Variants in ZNF652 observed in about 807,000 individuals in gnomAD.
ZNF652 encodes the protein zinc finger protein 652.
ZNF652 carries 16 observed loss-of-function variants against 45.2 expected under a neutral mutation model. The ratio of observed to expected loss-of-function variants is 0.35; its 90% CI spans 0.24 to 0.54. ZNF652 has a LOEUF of 0.54. ZNF652 is among the 20% of genes least tolerant of loss of function. The pLI is 0.91. For synonymous variants in ZNF652, 250 were observed against 260.6 expected (o/e 0.96, Z 0.39); for missense variants, 614 against 765.6 (o/e 0.80, Z 2.34).
chr17:49,316,822 C>G lies in ZNF652; in HGVS notation c.900+4G>C. 1 of 1,604,832 alleles carries G rather than the reference C, an allele frequency of 6.2e-7. No individual in the cohort carries two copies. The highest frequency in any genetic ancestry group is 8.5e-7 in the Non-Finnish European group (1 of 1,175,980). On this transcript the variant is annotated splice_donor_region_variant and intron_variant, in intron 2 of 5. Coordinates refer to ENST00000430262, the MANE Select transcript of ZNF652 (RefSeq NM_001145365.3). Reference sequence around the variant, plus strand: ...AAGTTTTCCCTCTCGGTGATGAAACCTACCTGAATGTTTTTTTCACAGTCT... The same window carrying G: ...AAGTTTTCCCTCTCGGTGATGAAACGTACCTGAATGTTTTTTTCACAGTCT...
intron 5 of ZNF652, among the ~76,000 whole-genome samples, chr17:49,307,350 G>T (rs1220108411): frequency 6.9e-6 from 1 of 145,030 alleles, no homozygotes; most frequent in Non-Finnish European, 1.5e-5. Context: ...AGAATCACTT[G>T]AACCTGGGAG....
At chr17:49,347,733 T>G (rs2070219517) in intron 1 of ZNF652, among the ~76,000 whole-genome samples, 1 of 74,000 alleles carries the variant, frequency 1.4e-5, no homozygotes. Flanking sequence ...AATTGAACCT[T>G]GGTTTTGTTT....
chr17:49,322,145 A>G (rs1472660924), intron 1 of ZNF652, among the ~76,000 whole-genome samples: 3 of 152,246 alleles, frequency 2.0e-5, no homozygotes, highest in Admixed American at 6.5e-5. Flanking sequence ...GCTTTTCTAA[A>G]GAGACTAAAG....
At chr17:49,339,775 G>A (rs918359113) in intron 1 of ZNF652, among the ~76,000 whole-genome samples, 2 of 152,214 alleles carry the variant, frequency 1.3e-5, no homozygotes, top group African/African-American at 2.4e-5. Flanking sequence ...TGCCACTGAA[G>A]ACAGAGCCAT....
intron 2 of ZNF652, among the ~76,000 whole-genome samples, chr17:49,315,042 G>GGT (rs1325779135): frequency 7.5e-6 from 1 of 134,218 alleles, no homozygotes; most frequent in Non-Finnish European, 1.6e-5. Flanking sequence ...GTTTTAGTTT[G>GGT]TTTTTTTTTT....
At chr17:49,348,847 T>C (rs771746252) in intron 1 of ZNF652, among the ~76,000 whole-genome samples, 1 of 152,182 alleles carries the variant, frequency 6.6e-6, no homozygotes, top group Non-Finnish European at 1.5e-5. Context: ...CTCATCCTAG[T>C]GTGTTTTTTC....
At chr17:49,351,002 TATATATATATATACACACACACAC>T (rs2070270423) in intron 1 of ZNF652, among the ~76,000 whole-genome samples, 1 of 20,514 alleles carries the variant, frequency 4.9e-5, no homozygotes, top group Admixed American at 4.5e-4. Flanking sequence ...TATATATATA[TATATATATATATACACACACACAC>T]ACACACACAC....
intron 5 of ZNF652, among the ~76,000 whole-genome samples, chr17:49,300,709 T>C (rs2069541108): frequency 6.6e-6 from 1 of 152,194 alleles, no homozygotes; most frequent in Non-Finnish European, 1.5e-5. Context: ...ATAAGAGCGT[T>C]GCTGTCACTT....
chr17:49,298,552 T>TGGTGTGGGTGGTGAG lies in ZNF652; in HGVS notation c.1667_1681dup (p.Pro556_His560dup). 1.9e-6 allele frequency: 3 copies of TGGTGTGGGTGGTGAG among 1,596,264 alleles called. No individual in the cohort carries two copies. Among genetic ancestry groups the TGGTGTGGGTGGTGAG allele is most frequent in the Non-Finnish European group, 2.6e-6 (3 of 1,174,242 alleles). ...GTGAGGGACTGGAGGGATGGGAAGG[T>TGGTGTGGGTGGTGAG]GGTGTGGGTGGTGAGGGTGTGGGTG... On this transcript the variant is annotated inframe_insertion, in exon 6 of 6. Transcript: ENST00000430262.
chr17:49,317,242 CCTCTTCCTCACT>C lies in ZNF652; in HGVS notation c.472_483del (p.Ser158_Glu161del), dbSNP rs772277479. On this transcript the variant is annotated inframe_deletion, in exon 2 of 6. Coordinates refer to ENST00000430262, the MANE Select transcript of ZNF652 (RefSeq NM_001145365.3). ...CCATAGTCATTGCTGTCATCTGTGG[CCTCTTCCTCACT>C]CTCTTCCTCTTCCTCCTCACTGCTT... The C allele has an allele frequency of 4.7e-5, 76 of 1,612,982 alleles. No individual in the cohort carries two copies. The highest frequency in any genetic ancestry group is 5.8e-5 in the Non-Finnish European group (69 of 1,180,018).
intron 5 of ZNF652, among the ~76,000 whole-genome samples, chr17:49,299,319 G>A (rs2069520634): frequency 6.6e-6 from 1 of 152,142 alleles, no homozygotes; most frequent in Non-Finnish European, 1.5e-5. Context: ...TGTGCTCAAG[G>A]AAATATCCTA....
chr17:49,358,374 G>A (rs1225030279), intron 1 of ZNF652, among the ~76,000 whole-genome samples: 1 of 152,124 alleles, frequency 6.6e-6, no homozygotes, highest in African/African-American at 2.4e-5. Flanking sequence ...ACCTAAAATG[G>A]TAGCACAAGA....
chr17:49,361,691 G>A (rs998465605), intron 1 of ZNF652, among the ~76,000 whole-genome samples: 1 of 152,128 alleles, frequency 6.6e-6, no homozygotes, highest in African/African-American at 2.4e-5. Flanking sequence ...GAGCAGGAGC[G>A]GGGCGCCCCC....
intron 1 of ZNF652, among the ~76,000 whole-genome samples, chr17:49,361,399 G>A (rs1407086324): frequency 6.6e-6 from 1 of 152,186 alleles, no homozygotes; most frequent in Non-Finnish European, 1.5e-5. Flanking sequence ...TACCCACTGG[G>A]GTGAGTGTGG....
rs574853175 is a variant in ZNF652, at chr17:49,326,865, A to G, written c.-258-8882T>C. 1.2e-4 allele frequency among the ~76,000 whole-genome samples: 18 copies of G among 152,290 alleles called. No homozygotes were observed. In the South Asian group the frequency reaches 3.5e-3, roughly 30 times the overall value. ...TCAAGAAGAGCAACGTCTGGACCCA[A>G]TGTAGAGACTGCTACGCATCACCTT... is the stretch of plus-strand genomic sequence containing the variant. On this transcript the variant is annotated intron_variant, in intron 1 of 5. Transcript: ENST00000430262.
At chr17:49,319,629 C>G (rs112669382) in intron 1 of ZNF652, among the ~76,000 whole-genome samples, 172 of 107,272 alleles carry the variant, frequency 1.6e-3, no homozygotes, top group African/African-American at 6.2e-3. Context: ...TAGCTAGACT[C>G]TGTCTCAAAA....
chr17:49,324,734 CTTTTTTTTTT>C (rs1185007907), intron 1 of ZNF652, among the ~76,000 whole-genome samples: 2 of 96,242 alleles, frequency 2.1e-5, no homozygotes, highest in Non-Finnish European at 4.0e-5. Context: ...TGGGGTAGCA[CTTTTTTTTTT>C]TTTTTTTTTT....
chr17:49,298,830 G>C lies in ZNF652; in HGVS notation c.1404C>G (p.Pro468=). 8 of 1,614,052 alleles carry C rather than the reference G, an allele frequency of 5.0e-6. No individual in the cohort carries two copies. Among genetic ancestry groups the C allele is most frequent in the Non-Finnish European group, 4.2e-6 (5 of 1,180,032 alleles). The part of the protein sequence containing the change: ...RHRRTHTGEK[P]YPCDVCGQRF... The stretch of plus-strand genomic sequence containing the variant: ...GCTGGCCACACACATCACATGGATA[G>C]GGCTTCTCGCCTGTGTGAGTTCTGC... The change falls in exon 6 of 6, where the codon CCC becomes CCG. Residue 468 remains proline (P), a synonymous_variant. Coordinates refer to ENST00000430262, the MANE Select transcript of ZNF652 (RefSeq NM_001145365.3).
chr17:49,324,684 C>A (rs953708458), intron 1 of ZNF652, among the ~76,000 whole-genome samples: 1 of 150,818 alleles, frequency 6.6e-6, no homozygotes, highest in Non-Finnish European at 1.5e-5. Context: ...GCCACCACAC[C>A]CAGCCAGCTG....
Sources: gnomAD v4.1 joint callset for allele counts (sites outside exome capture counted in the v4.1 genomes callset) on GRCh38, gnomAD v4.1.1 for gene constraint, MANE v1.5 for transcripts, NCBI Gene and HGNC (gene_info 2026-07-23, HGNC 2026-07-21) for gene names.